The following FBXO41 variants were observed in gnomAD, a reference collection of about 807,000 sequenced individuals.
The protein encoded by FBXO41 is F-box only protein 41.
Under a neutral mutation model 81.6 loss-of-function variants are expected in FBXO41, and 33 were observed. The ratio of observed to expected loss-of-function variants is 0.40; its 90% CI spans 0.31 to 0.54. The LOEUF is 0.54. Ranked by LOEUF, FBXO41 falls within the 20% of genes least tolerant of loss-of-function variation. FBXO41 has a pLI of 0.39. For missense variants in FBXO41, 1,107 were observed against 1,236.0 expected, an observed-to-expected ratio of 0.90 and a Z score of 1.56; for synonymous variants, 576 against 552.7, an observed-to-expected ratio of 1.04 and a Z score of -0.59.
chr2:73,263,001 T>A (rs1688073320), intron 9 of FBXO41, among the ~76,000 whole-genome samples: 1 of 152,222 alleles, frequency 6.6e-6, no homozygotes, highest in South Asian at 2.1e-4. Context: ...CGACTCAGCC[T>A]CTCAAAGTGC....
At chr2:73,282,559 C>T (rs1206555729) in intron 1 of FBXO41, among the ~76,000 whole-genome samples, 1 of 152,064 alleles carries the variant, frequency 6.6e-6, no homozygotes, top group African/African-American at 2.4e-5. Flanking sequence ...AAAAATTAGG[C>T]AGGTGTGGTG....
Position 73,258,829 on chromosome 2 carries a change from C to T in FBXO41, c.*153G>A. ...GGGTCAGGCCTGTTGCTCTGCTGCT[C>T]CAGGAGGAGGACAGGAGACTTGACA... On this transcript the variant is annotated 3_prime_UTR_variant, in exon 13 of 13. Coordinates refer to ENST00000520530, the MANE Select transcript of FBXO41 (RefSeq NM_001371389.2). 1.2e-6 allele frequency: 1 copy of T among 837,314 alleles called. No homozygotes were observed. The highest frequency in any genetic ancestry group is 1.7e-5 in the African/African-American group (1 of 58,344). 51.9% of individuals were successfully genotyped at this position (837,314 alleles called of 1,614,324 possible).
chr2:73,263,564 G>A (rs1688099723), intron 8 of FBXO41, 114 bp downstream of exon 8: 1 of 1,358,934 alleles, frequency 7.4e-7, no homozygotes, highest in Non-Finnish European at 1.0e-6. Context: ...TTCAGCCATA[G>A]AGCTCTTGGA....
In FBXO41 at chr2:73,255,261, G is replaced by C. The variant is rs1687763764; in HGVS notation, c.*3721C>G. The C allele has an allele frequency of 6.5e-6, 1 of 152,752 alleles. No homozygotes were observed. Among genetic ancestry groups the C allele is most frequent in the African/African-American group, 2.4e-5 (1 of 41,490 alleles). The allele number at this position is 152,752 out of a possible 1,614,324, so 9.5% of individuals were successfully genotyped here. On this transcript the variant is annotated 3_prime_UTR_variant, in exon 13 of 13. Coordinates refer to ENST00000520530, the MANE Select transcript of FBXO41 (RefSeq NM_001371389.2). Reference sequence around the variant, plus strand: ...TGTCAGGGCAGCCTTGGGACTGGCTGAGGTCCCAAGGGTTTGGGGAGGGAG... The same window carrying C: ...TGTCAGGGCAGCCTTGGGACTGGCTCAGGTCCCAAGGGTTTGGGGAGGGAG...
intron 2 of FBXO41, among the ~76,000 whole-genome samples, chr2:73,268,398 A>G (rs370606884): frequency 2.0e-5 from 3 of 152,156 alleles, no homozygotes; most frequent in African/African-American, 7.2e-5. Context: ...AAATCGGGTG[A>G]TGGAAAAGGA....
chr2:73,275,803 T>A (rs1688665317), intron 1 of FBXO41, among the ~76,000 whole-genome samples: 2 of 146,476 alleles, frequency 1.4e-5, no homozygotes, highest in South Asian at 2.1e-4. Flanking sequence ...TCTTTTTTCT[T>A]TTGGACAGAG....
chr2:73,263,872 T>C lies in FBXO41; in HGVS notation c.1923-42A>G, dbSNP rs772861597. On this transcript the variant is annotated intron_variant, in intron 7 of 12. Transcript: ENST00000520530. The stretch of plus-strand genomic sequence containing the variant: ...GGTCAGAGAGCTGGCAACCTCCTCC[T>C]CTGGGAAACTTAATTCCAGGTCTGT... The C allele has an allele frequency of 7.4e-6, 12 of 1,613,876 alleles. 1 individual carries two copies. The Middle Eastern group carries it at 4.9e-4, about 66-fold the overall frequency.
intron 2 of FBXO41, among the ~76,000 whole-genome samples, chr2:73,268,433 T>C (rs1361921095): frequency 6.6e-6 from 1 of 152,114 alleles, no homozygotes; most frequent in African/African-American, 2.4e-5. Flanking sequence ...GCTATATCTT[T>C]GGCTAGGCAA....
At position 73,263,312 on chromosome 2, in the gene FBXO41, T is replaced by A; in HGVS notation, c.2076-4A>T. On this transcript the variant is annotated splice_polypyrimidine_tract_variant and splice_region_variant and intron_variant, in intron 8 of 12. Transcript: ENST00000520530. ...GCCCACGGGGTCTGTGGCACTCCTG[T>A]GAAAAGACAAAGCTGCTAGTCAGGC... The A allele has an allele frequency of 1.3e-6, 2 of 1,514,976 alleles. No homozygotes were observed. The highest frequency in any genetic ancestry group is 1.8e-6 in the Non-Finnish European group (2 of 1,130,360). 93.8% of individuals were successfully genotyped at this position (1,514,976 alleles called of 1,614,324 possible).
At chr2:73,271,797 ATTG>A (rs902025324) in intron 1 of FBXO41, among the ~76,000 whole-genome samples, 9 of 152,048 alleles carry the variant, frequency 5.9e-5, no homozygotes, top group African/African-American at 1.9e-4. Context: ...CGCCCAGCTA[ATTG>A]TTGTATTTTT....
intron 9 of FBXO41, among the ~76,000 whole-genome samples, chr2:73,262,113 C>T (rs1688040206): frequency 1.3e-5 from 2 of 152,092 alleles, no homozygotes; most frequent in South Asian, 2.1e-4. Context: ...GTCCCAGCTA[C>T]TTGGGAGGCT....
intron 1 of FBXO41, among the ~76,000 whole-genome samples, chr2:73,281,238 T>G (rs990717237): frequency 6.6e-6 from 1 of 152,212 alleles, no homozygotes; most frequent in Non-Finnish European, 1.5e-5. Flanking sequence ...CAGTGAATAC[T>G]TATCTACTAA....
intron 1 of FBXO41, among the ~76,000 whole-genome samples, chr2:73,272,457 AAG>A (rs1688535857): frequency 1.3e-5 from 2 of 152,260 alleles, no homozygotes; most frequent in Admixed American, 6.5e-5. Context: ...GCTGGGAACT[AAG>A]AGGGAGATAA....
intron 1 of FBXO41, among the ~76,000 whole-genome samples, chr2:73,282,137 G>A (rs970377685): frequency 1.3e-5 from 2 of 152,198 alleles, no homozygotes; most frequent in Non-Finnish European, 2.9e-5. Flanking sequence ...TGGGATTACA[G>A]GCATGCACCA....
chr2:73,261,970 C>T (rs529598918), intron 9 of FBXO41, among the ~76,000 whole-genome samples: 2 of 135,050 alleles, frequency 1.5e-5, no homozygotes, highest in African/African-American at 5.1e-5. Context: ...TGCCTGTAAT[C>T]CCAGCACTTT....
intron 1 of FBXO41, among the ~76,000 whole-genome samples, chr2:73,274,771 G>A (rs1688639738): frequency 6.6e-6 from 1 of 151,766 alleles, no homozygotes; most frequent in Admixed American, 6.6e-5. Flanking sequence ...TCACTATGTT[G>A]CCCAGGCCGG....
chr2:73,266,074 GGAGA>G lies in FBXO41; in HGVS notation c.1132-112_1132-109del. 1 of 958,400 alleles carries G rather than the reference GGAGA, an allele frequency of 1.0e-6. No individual in the cohort carries two copies. The allele number at this position is 958,400 out of a possible 1,614,324, so 59.4% of individuals were successfully genotyped here. A position where few individuals can be genotyped will look rare whatever the true frequency, so the allele number is the denominator to read the frequency against. On this transcript the variant is annotated intron_variant, in intron 3 of 12. Transcript: ENST00000520530. The surrounding 1 kb of genome is among the most constrained non-coding windows in gnomAD (Gnocchi z 5.3). ...AAAGATGGAGAGGAGATGGGGGAGAGGAGAGAGAAGGGAAAATAGTTGGGAAAGA... is the reference window on the plus strand; with the variant it reads ...AAAGATGGAGAGGAGATGGGGGAGAGGAGAAGGGAAAATAGTTGGGAAAGA...
In FBXO41 at chr2:73,260,874, G is replaced by T. The variant is rs988287669; in HGVS notation, c.2172-16C>A. On this transcript the variant is annotated splice_polypyrimidine_tract_variant and intron_variant, in intron 9 of 12. Coordinates refer to ENST00000520530, the MANE Select transcript of FBXO41 (RefSeq NM_001371389.2). The surrounding 1 kb of genome is among the most constrained non-coding windows in gnomAD (Gnocchi z 5.0). ...GGGCTGCTGGCTGGAGAATGGGAAG[G>T]GGGAGCCGTCAGGGAAGTCTCTGGA... The T allele has an allele frequency of 6.5e-7, 1 of 1,547,278 alleles. No homozygotes were observed. The highest frequency in any genetic ancestry group is 1.4e-5 in the African/African-American group (1 of 73,126).
chr2:73,271,625 C>CCCCA lies in FBXO41; in HGVS notation c.-138-1858_-138-1857insTGGG, dbSNP rs1553384732. ...ACACAAGCCAATCAATTCTGCACTCCCCCCCCCCCAACTTCTTTTTTTTGA... is the reference window on the plus strand; with the variant it reads ...ACACAAGCCAATCAATTCTGCACTCCCCCACCCCCCCCCAACTTCTTTTTTTTGA... On this transcript the variant is annotated intron_variant, in intron 1 of 12. Coordinates refer to ENST00000520530, the MANE Select transcript of FBXO41 (RefSeq NM_001371389.2). The CCCCA allele has an allele frequency of 2.3e-5, 3 of 132,298 alleles. 1 individual carries two copies. The highest frequency in any genetic ancestry group is 8.3e-5 in the African/African-American group (3 of 36,274). The allele number at this position is 132,298 out of a possible 1,614,324, so 8.2% of individuals were successfully genotyped here.
Sources: allele counts gnomAD v4.1 joint callset (sites outside exome capture counted in the v4.1 genomes callset), GRCh38; gene constraint gnomAD v4.1.1; non-coding constraint Gnocchi (gnomAD v3.1); transcripts MANE v1.5; gene names NCBI Gene and HGNC (gene_info 2026-07-23, HGNC 2026-07-21).